HMX1: variants seen among roughly 807,000 people sequenced by gnomAD.
HMX1 encodes H6 family homeobox 1, also known as homeobox protein HMX1.
HMX1 carries 8 observed loss-of-function variants against 8.9 expected under a neutral mutation model. That is an observed-to-expected ratio of 0.90 (90% CI 0.53 to 1.63). HMX1 has a LOEUF of 1.63. Ranked by LOEUF, HMX1 falls within the 40% of genes most tolerant of loss-of-function variation. HMX1 has a pLI of 0.00. For missense variants in HMX1, 621 were observed against 558.5 expected, an observed-to-expected ratio of 1.11 and a Z score of -1.13; for synonymous variants, 311 against 283.4, an observed-to-expected ratio of 1.10 and a Z score of -0.98.
chr4:8,871,480 C>A lies in HMX1; in HGVS notation c.135G>T (p.Glu45Asp). 7.5e-7 allele frequency: 1 copy of A among 1,341,444 alleles called. No homozygotes were observed. 83.1% of individuals were successfully genotyped at this position (1,341,444 alleles called of 1,614,324 possible). A position where few individuals can be genotyped will look rare whatever the true frequency, so the allele number is the denominator to read the frequency against. The change falls in exon 1 of 2, where the codon GAG becomes GAT. Residue 45 changes from glutamate to aspartate, a missense_variant. Physicochemically the swap from Glu to Asp is conservative, Grantham distance 45. Transcript: ENST00000400677. This position sits in a 1 kb window ranked among gnomAD's most constrained non-coding sequence, Gnocchi z 4.8. ...CTTCGGGGTCGTCGTCGTCCTCCTC[C>A]TCGTCCTCCCGGCTGCCGTCGCCCT... ...ATQGDGSRED[E>D]EEDDDDPEDE...
chr4:8,857,497 G>C (rs376542985), intron 1 of HMX1, among the ~76,000 whole-genome samples: 1 of 152,146 alleles, frequency 6.6e-6, no homozygotes, highest in East Asian at 1.9e-4. Flanking sequence ...TCCGCACCCG[G>C]TGGGGCGCGG....
At chr4:8,866,842 G>A (rs909482379), downstream of HMX1, among the ~76,000 whole-genome samples, 1 of 152,140 alleles carries the variant, frequency 6.6e-6, no homozygotes, top group African/African-American at 2.4e-5. Context: ...CCCTACTCCC[G>A]GCTCCTGGCC....
Position 8,868,444 on chromosome 4 carries a change from A to G in HMX1, c.395-99T>C. On this transcript the variant is annotated intron_variant, in intron 1 of 1. Transcript: ENST00000400677. This position sits in a 1 kb window ranked among gnomAD's most constrained non-coding sequence, Gnocchi z 4.6. ...CCCCACCTTGAGGTCGCTCACAGCC[A>G]CAAGCAGGAAGACCTTCCAGCACAG... 1 of 951,296 alleles carries G rather than the reference A, an allele frequency of 1.1e-6. No individual in the cohort carries two copies. Among genetic ancestry groups the G allele is most frequent in the Non-Finnish European group, 1.4e-6 (1 of 725,904 alleles). The allele number at this position is 951,296 out of a possible 1,614,324, so 58.9% of individuals were successfully genotyped here.
intron 1 of HMX1, among the ~76,000 whole-genome samples, chr4:8,856,689 A>C (rs1278501148): frequency 6.6e-6 from 1 of 152,136 alleles, no homozygotes; most frequent in African/African-American, 2.4e-5. Context: ...TTGAAGAAGG[A>C]GGGGAGGGAG....
At chr4:8,864,462 G>A (rs146526878), downstream of HMX1, among the ~76,000 whole-genome samples, 10,065 of 152,256 alleles carry the variant, frequency 0.066, 1,102 homozygotes, top group African/African-American at 0.22. Flanking sequence ...TGGCGCATGT[G>A]GTGGAGGCAG....
chr4:8,860,968 AGGGCGGGGGAGG>A (rs1159196795), intron 1 of HMX1: 18 of 15,976 alleles, frequency 1.1e-3, no homozygotes, highest in Admixed American at 2.1e-3. Flanking sequence ...GGCGGGGGCG[AGGGCGGGGGAGG>A]GGGCGGGGCC....
At chr4:8,861,547 G>A (rs1721819993) in intron 1 of HMX1, among the ~76,000 whole-genome samples, 2 of 152,192 alleles carry the variant, frequency 1.3e-5, no homozygotes, top group Admixed American at 1.3e-4. Context: ...CGCGAAGAGG[G>A]ACGAGCAGAG....
chr4:8,865,246 G>C (rs527905670), downstream of HMX1, among the ~76,000 whole-genome samples: 1 of 152,204 alleles, frequency 6.6e-6, no homozygotes, highest in East Asian at 1.9e-4. Flanking sequence ...CACCCACATC[G>C]GCCAGAAGCA....
intron 1 of HMX1, chr4:8,858,598 G>C (rs956449241): frequency 6.6e-6 from 1 of 152,264 alleles, no homozygotes; most frequent in Non-Finnish European, 1.5e-5. Flanking sequence ...GGACGTCATG[G>C]GGGGAGTGCC....
chr4:8,848,504 C>T lies in HMX1; in HGVS notation c.395-2180G>A, dbSNP rs1343807590. Among the ~76,000 whole-genome samples the T allele has an allele frequency of 6.6e-6, 1 of 152,186 alleles. No homozygotes were observed. The highest frequency in any genetic ancestry group is 1.9e-4 in the East Asian group (1 of 5,202). On this transcript the variant is annotated intron_variant, in intron 1 of 1. Transcript: ENST00000506970. This position sits in a 1 kb window ranked among gnomAD's most constrained non-coding sequence, Gnocchi z 4.1. ...ACTTGGAATGCCCTAGTTCAATCCCCTTGTTTTACAAATAGGAAACCTGAG... is the reference window on the plus strand; with the variant it reads ...ACTTGGAATGCCCTAGTTCAATCCCTTTGTTTTACAAATAGGAAACCTGAG...
chr4:8,846,325 C>T lies in HMX1; in HGVS notation c.395-1G>A, dbSNP rs1050024172. The T allele has an allele frequency of 3.7e-5, 57 of 1,533,790 alleles. No individual in the cohort carries two copies. Among genetic ancestry groups the T allele is most frequent in the East Asian group, 4.9e-5 (2 of 40,908 alleles). ...GGCTGAGGTGTAATCTTCTGTGTGC[C>T]TGCAGGGGAGAAAAACCAGGTATTG... On this transcript the variant is annotated splice_acceptor_variant, in intron 1 of 1. Transcript: ENST00000506970. LOFTEE classifies it high-confidence loss of function.
At chr4:8,863,690 C>T (rs1198333865), downstream of HMX1, among the ~76,000 whole-genome samples, 2 of 152,230 alleles carry the variant, frequency 1.3e-5, no homozygotes, top group Non-Finnish European at 1.5e-5. Flanking sequence ...CTCATTTTGG[C>T]TTTGGAGGAA....
exon 2 of HMX1, chr4:8,846,291 C>T (rs932918659): frequency 2.0e-6 from 3 of 1,535,256 alleles, no homozygotes; most frequent in African/African-American, 2.7e-5. Context: ...CCCCTCTCCA[C>T]ACTGCACAGG....
Position 8,868,056 on chromosome 4 carries a change from C to T in HMX1, c.684G>A (p.Leu228=). 1 of 1,541,840 alleles carries T rather than the reference C, an allele frequency of 6.5e-7. No homozygotes were observed. Among genetic ancestry groups the T allele is most frequent in the African/African-American group, 1.4e-5 (1 of 71,490 alleles). ...LESTFDLKRY[L]SSAERAGLAA... is the part of the protein sequence containing the mutation. ...CCAGGCCGGCGCGCTCGGCGCTGCTCAGGTAGCGCTTCAGGTCGAAGGTGG... is the reference window on the plus strand; with the variant it reads ...CCAGGCCGGCGCGCTCGGCGCTGCTTAGGTAGCGCTTCAGGTCGAAGGTGG... The change falls in exon 2 of 2, where the codon CTG becomes CTA. Residue 228 remains leucine (L), a synonymous_variant. Coordinates refer to ENST00000400677, the MANE Select transcript of HMX1 (RefSeq NM_018942.3). The surrounding 1 kb of genome is among the most constrained non-coding windows in gnomAD (Gnocchi z 4.6).
chr4:8,867,798 G>A lies in HMX1; in HGVS notation c.942C>T (p.Pro314=). The change falls in exon 2 of 2, where the codon CCC becomes CCT. Residue 314 remains proline, a synonymous_variant. Coordinates refer to ENST00000400677, the MANE Select transcript of HMX1 (RefSeq NM_018942.3). ...FPLAPAAPAP[P]PPLLGFSGAL... The stretch of plus-strand genomic sequence containing the variant: ...CCCCGGAGAAGCCGAGCAGCGGTGG[G>A]GGCGGCGCGGGCGCGGCGGGCGCCA... The A allele has an allele frequency of 8.1e-7, 1 of 1,232,594 alleles. No homozygotes were observed. Among genetic ancestry groups the A allele is most frequent in the Non-Finnish European group, 1.0e-6 (1 of 990,796 alleles). The allele number at this position is 1,232,594 out of a possible 1,614,324, so 76.4% of individuals were successfully genotyped here. A position where few individuals can be genotyped will look rare whatever the true frequency, so the allele number is the denominator to read the frequency against.
Position 8,849,978 on chromosome 4 carries a change from G to T in HMX1, c.395-3654C>A, listed in dbSNP as rs1021987823. ...CAAGGGTGTGTCCCAAACCCTGTGG[G>T]TGTTGGTTTCTCTGGGCCTCCTTCT... On this transcript the variant is annotated intron_variant, in intron 1 of 1. Coordinates refer to the HMX1 transcript ENST00000506970. This position sits in a 1 kb window ranked among gnomAD's most constrained non-coding sequence, Gnocchi z 6.6. 1.3e-5 allele frequency among the ~76,000 whole-genome samples: 2 copies of T among 152,186 alleles called. No individual in the cohort carries two copies. Among genetic ancestry groups the T allele is most frequent in the Non-Finnish European group, 2.9e-5 (2 of 68,028 alleles).
At position 8,848,193 on chromosome 4, in the gene HMX1, A is replaced by G. The variant is rs1721333637; in HGVS notation, c.395-1869T>C. ...GAGATGTGCTGTAAGTAAAAAATGC[A>G]TACTTTTGTGCTCTCCAAAGAGAGT... is the stretch of plus-strand genomic sequence containing the variant. On this transcript the variant is annotated intron_variant, in intron 1 of 1. Transcript: ENST00000506970. The surrounding 1 kb of genome is among the most constrained non-coding windows in gnomAD (Gnocchi z 4.1). Among the ~76,000 whole-genome samples the G allele has an allele frequency of 6.6e-6, 1 of 152,222 alleles. No homozygotes were observed. The highest frequency in any genetic ancestry group is 2.4e-5 in the African/African-American group (1 of 41,472).
Position 8,868,113 on chromosome 4 carries a change from G to A in HMX1, c.627C>T (p.Val209=), listed in dbSNP as rs779091739. 2.0e-6 allele frequency: 3 copies of A among 1,518,326 alleles called. No homozygotes were observed. The highest frequency in any genetic ancestry group is 8.8e-7 in the Non-Finnish European group (1 of 1,136,796). 94.1% of individuals were successfully genotyped at this position (1,518,326 alleles called of 1,614,324 possible). A position where few individuals can be genotyped will look rare whatever the true frequency, so the allele number is the denominator to read the frequency against. ...GGGRKKKTRT[V]FSRSQVFQLE... is the part of the protein sequence containing the mutation. ...GCTGGAAGACCTGGCTGCGGGAGAA[G>A]ACTGTGCGCGTCTTCTTCTTTCGGC... The change falls in exon 2 of 2, where the codon GTC becomes GTT. Residue 209 remains valine (V), a synonymous_variant. Transcript: ENST00000400677. This position sits in a 1 kb window ranked among gnomAD's most constrained non-coding sequence, Gnocchi z 4.6.
In HMX1 at chr4:8,867,342, C is replaced by G. The variant is rs989552365; in HGVS notation, c.*351G>C. ...GCCGGTTCGTAGTTTTCCTTTGTTGCGCTGGGCTTGGCCTGAGGGCAGCTG... is the reference window on the plus strand; with the variant it reads ...GCCGGTTCGTAGTTTTCCTTTGTTGGGCTGGGCTTGGCCTGAGGGCAGCTG... On this transcript the variant is annotated 3_prime_UTR_variant, in exon 2 of 2. Coordinates refer to ENST00000400677, the MANE Select transcript of HMX1 (RefSeq NM_018942.3). 2.6e-5 allele frequency: 26 copies of G among 1,008,212 alleles called. No individual in the cohort carries two copies. The Admixed American group carries it at 3.5e-4, about 14-fold the overall frequency. 62.5% of individuals were successfully genotyped at this position (1,008,212 alleles called of 1,614,324 possible).
Sources: allele counts gnomAD v4.1 joint callset (sites outside exome capture counted in the v4.1 genomes callset), GRCh38; gene constraint gnomAD v4.1.1; non-coding constraint Gnocchi (gnomAD v3.1); transcripts MANE v1.5; gene names NCBI Gene and HGNC (gene_info 2026-07-23, HGNC 2026-07-21).